RALB: variants seen among roughly 807,000 people sequenced by gnomAD.
The protein encoded by RALB is ras-related protein Ral-B.
A neutral mutation model predicts 21.3 loss-of-function variants in RALB; 16 were observed. The ratio of observed to expected loss-of-function variants is 0.75; its 90% CI spans 0.51 to 1.14. The LOEUF (loss-of-function observed/expected upper bound fraction) is 1.14. Ranked by LOEUF, RALB falls within the 50% of genes most tolerant of loss-of-function variation. RALB has a pLI of 0.00. For missense variants in RALB, 161 were observed against 256.2 expected, an observed-to-expected ratio of 0.63 and a Z score of 2.54; for synonymous variants, 93 against 96.1, an observed-to-expected ratio of 0.97 and a Z score of 0.19.
At chr2:120,244,626 A>G (rs947798763) in intron 1 of RALB, among the ~76,000 whole-genome samples, 2 of 152,100 alleles carry the variant, frequency 1.3e-5, no homozygotes, top group African/African-American at 4.8e-5. Context: ...TCATCCATCC[A>G]TCCATCCATC....
At chr2:120,250,484 A>G (rs1468170336), upstream of RALB, among the ~76,000 whole-genome samples, 1 of 152,232 alleles carries the variant, frequency 6.6e-6, no homozygotes, top group Non-Finnish European at 1.5e-5. Context: ...GCTCCACCCA[A>G]CTACAGGGCT....
At chr2:120,251,928 A>T (rs949264528), upstream of RALB, among the ~76,000 whole-genome samples, 4 of 152,232 alleles carry the variant, frequency 2.6e-5, no homozygotes, top group African/African-American at 9.6e-5. Context: ...CAAAGCCTCC[A>T]ATATAGTATA....
intron 1 of RALB, among the ~76,000 whole-genome samples, chr2:120,277,220 AGT>A (rs560377545): frequency 2.0e-3 from 307 of 152,208 alleles, no homozygotes; most frequent in Admixed American, 3.6e-3. Flanking sequence ...GCTGTGTAAG[AGT>A]GTGAGAGCAT....
chr2:120,288,917 T>G (rs1469078810), intron 3 of RALB, among the ~76,000 whole-genome samples: 1 of 152,238 alleles, frequency 6.6e-6, no homozygotes. Context: ...GATGACATAC[T>G]TGTCGTGTAC....
At chr2:120,241,512 G>A (rs938786702) in intron 1 of RALB, among the ~76,000 whole-genome samples, 15 of 152,182 alleles carry the variant, frequency 9.9e-5, no homozygotes, top group Non-Finnish European at 1.9e-4. Flanking sequence ...GATCACCTGA[G>A]GTCAGGAGTT....
chr2:120,272,795 A>G (rs1192588290), intron 1 of RALB, among the ~76,000 whole-genome samples: 1 of 152,064 alleles, frequency 6.6e-6, no homozygotes, highest in Non-Finnish European at 1.5e-5. Context: ...CTGACCTTCC[A>G]GCCTGATACA....
chr2:120,256,952 T>G (rs1436221949), intron 1 of RALB, among the ~76,000 whole-genome samples: 28 of 152,242 alleles, frequency 1.8e-4, no homozygotes, highest in Non-Finnish European at 1.5e-5. Context: ...GAAAGACAGC[T>G]GAGGTCTTTA....
upstream of RALB, among the ~76,000 whole-genome samples, chr2:120,252,314 C>G (rs1339876492): frequency 6.6e-6 from 1 of 152,224 alleles, no homozygotes; most frequent in East Asian, 1.9e-4. Context: ...CACTCACTAA[C>G]TCCATTACTG....
chr2:120,278,017 G>A (rs1372583326), intron 1 of RALB, among the ~76,000 whole-genome samples: 1 of 132,150 alleles, frequency 7.6e-6, no homozygotes, highest in African/African-American at 3.0e-5. Flanking sequence ...GTGAGCATGT[G>A]TGAATGTGAA....
At chr2:120,275,639 G>C (rs1420534719) in intron 1 of RALB, among the ~76,000 whole-genome samples, 1 of 152,174 alleles carries the variant, frequency 6.6e-6, no homozygotes, top group African/African-American at 2.4e-5. Flanking sequence ...AGTGATGTGT[G>C]TGTGTGTTGT....
intron 1 of RALB, among the ~76,000 whole-genome samples, chr2:120,262,834 A>C (rs1290151140): frequency 1.3e-5 from 2 of 152,180 alleles, no homozygotes; most frequent in African/African-American, 4.8e-5. Flanking sequence ...GAAGGGTGTG[A>C]AGGGCTTCTG....
chr2:120,259,028 C>G, intron 1 of RALB, among the ~76,000 whole-genome samples: 1 of 151,710 alleles, frequency 6.6e-6, no homozygotes, highest in Non-Finnish European at 1.5e-5. Context: ...CTTAAGGTAG[C>G]GCGTCTGGAG....
intron 1 of RALB, among the ~76,000 whole-genome samples, chr2:120,241,718 C>T (rs1008434131): frequency 6.6e-6 from 1 of 150,508 alleles, no homozygotes; most frequent in African/African-American, 2.5e-5. Flanking sequence ...AAGAGCGAAA[C>T]TCCATCTCAA....
intron 3 of RALB, among the ~76,000 whole-genome samples, chr2:120,286,513 G>A (rs1302691764): frequency 6.6e-6 from 1 of 152,214 alleles, no homozygotes; most frequent in Non-Finnish European, 1.5e-5. Context: ...AAAGATGGGA[G>A]TCAAAATGAC....
intron 2 of RALB, among the ~76,000 whole-genome samples, chr2:120,279,923 G>T (rs113746791): frequency 3.4e-4 from 52 of 152,212 alleles, no homozygotes; most frequent in African/African-American, 1.2e-3. Flanking sequence ...AGTTTGTGTT[G>T]GGCTGGGTTA....
At chr2:120,286,532 G>A (rs921522167) in intron 3 of RALB, among the ~76,000 whole-genome samples, 1 of 152,220 alleles carries the variant, frequency 6.6e-6, no homozygotes, top group Non-Finnish European at 1.5e-5. Context: ...ACCATTTGCT[G>A]CTACTTAAGG....
chr2:120,256,859 C>A (rs1012648944), intron 1 of RALB, among the ~76,000 whole-genome samples: 1 of 152,112 alleles, frequency 6.6e-6, no homozygotes, highest in South Asian at 2.1e-4. Context: ...AGGCTAGCCA[C>A]CACAACTTTT....
chr2:120,246,214 T>C (rs913549422), intron 1 of RALB, among the ~76,000 whole-genome samples: 6 of 152,222 alleles, frequency 3.9e-5, no homozygotes, highest in South Asian at 2.1e-4. Context: ...AGAGGCTGCA[T>C]GGTGCTTTGG....
chr2:120,277,523 TGTGA>T (rs796178525), intron 1 of RALB, among the ~76,000 whole-genome samples: 2,053 of 143,548 alleles, frequency 0.014, 43 homozygotes, highest in African/African-American at 0.056. Flanking sequence ...TTAGAGCGTA[TGTGA>T]GTGTGTAGTT....
Sources: allele counts gnomAD v4.1 joint callset (sites outside exome capture counted in the v4.1 genomes callset), GRCh38; gene constraint gnomAD v4.1.1; transcripts MANE v1.5; gene names NCBI Gene and HGNC (gene_info 2026-07-23, HGNC 2026-07-21).